ANGPT1: variants seen among roughly 807,000 people sequenced by gnomAD.
ANGPT1 encodes the protein angiopoietin 1.
A neutral mutation model predicts 62.2 loss-of-function variants in ANGPT1; 17 were observed. The ratio of observed to expected loss-of-function variants is 0.27; its 90% CI spans 0.19 to 0.41. The LOEUF is 0.41. Ranked by LOEUF, ANGPT1 falls within the 10% of genes least tolerant of loss-of-function variation. The pLI is 1.00. For synonymous variants in ANGPT1, 199 were observed against 198.9 expected (o/e 1.00, Z 0.00); for missense variants, 478 against 594.9 (o/e 0.80, Z 2.04).
At chr8:107,355,227 A>G (rs939788175) in intron 1 of ANGPT1, among the ~76,000 whole-genome samples, 3 of 151,932 alleles carry the variant, frequency 2.0e-5, no homozygotes, top group African/African-American at 7.2e-5. Flanking sequence ...AAGGCTGCCT[A>G]GGTCCATCCC....
At chr8:107,386,853 C>G (rs191340289) in intron 1 of ANGPT1, among the ~76,000 whole-genome samples, 1 of 152,032 alleles carries the variant, frequency 6.6e-6, no homozygotes, top group African/African-American at 2.4e-5. Flanking sequence ...TGACAGACTA[C>G]AGGGTATTCT....
At chr8:107,262,456 G>T (rs996264039) in intron 8 of ANGPT1, among the ~76,000 whole-genome samples, 1 of 152,144 alleles carries the variant, frequency 6.6e-6, no homozygotes, top group Non-Finnish European at 1.5e-5. Flanking sequence ...AATGGCAAAT[G>T]CTAGCTGTCA....
chr8:107,279,998 G>C (rs1427997340), intron 7 of ANGPT1, among the ~76,000 whole-genome samples: 1 of 151,826 alleles, frequency 6.6e-6, no homozygotes, highest in Non-Finnish European at 1.5e-5. Flanking sequence ...GAAGCATGCA[G>C]AACTCAGCAA....
intron 2 of ANGPT1, among the ~76,000 whole-genome samples, chr8:107,338,093 C>A (rs1446206734): frequency 6.6e-6 from 1 of 151,954 alleles, no homozygotes; most frequent in Non-Finnish European, 1.5e-5. Context: ...GAGACCCTAT[C>A]TCAAAAAATA....
chr8:107,359,028 A>G (rs1816106956), intron 1 of ANGPT1, among the ~76,000 whole-genome samples: 1 of 152,142 alleles, frequency 6.6e-6, no homozygotes, highest in Admixed American at 6.6e-5. Context: ...GTACACTTTC[A>G]TGATGTACAA....
intron 1 of ANGPT1, among the ~76,000 whole-genome samples, chr8:107,403,436 A>G (rs1167578371): frequency 6.6e-6 from 1 of 152,140 alleles, no homozygotes; most frequent in Non-Finnish European, 1.5e-5. Flanking sequence ...AAAGAGGGAG[A>G]GGCTAATTAC....
chr8:107,482,542 G>A (rs892528064), intron 1 of ANGPT1, among the ~76,000 whole-genome samples: 1 of 152,138 alleles, frequency 6.6e-6, no homozygotes, highest in African/African-American at 2.4e-5. Flanking sequence ...GTATTGTAGT[G>A]CACAAGATGG....
intron 1 of ANGPT1, among the ~76,000 whole-genome samples, chr8:107,464,537 G>A (rs1047686741): frequency 1.3e-5 from 2 of 151,954 alleles, no homozygotes; most frequent in African/African-American, 2.4e-5. Context: ...TATGATCAAA[G>A]CCTATCCCTG....
chr8:107,294,223 T>G (rs1449809191), intron 5 of ANGPT1, 186 bp from the exon 6 acceptor site: 1 of 438,568 alleles, frequency 2.3e-6, no homozygotes, highest in African/African-American at 2.0e-5. Context: ...ATTTGAGTTA[T>G]TTCTGATTAA....
chr8:107,428,514 G>A (rs1811093284), intron 1 of ANGPT1, among the ~76,000 whole-genome samples: 1 of 152,120 alleles, frequency 6.6e-6, no homozygotes, highest in African/African-American at 2.4e-5. Flanking sequence ...TTTCCTAAGG[G>A]TCTGTCTTCA....
chr8:107,428,224 C>G (rs1294282088), intron 1 of ANGPT1, among the ~76,000 whole-genome samples: 1 of 152,126 alleles, frequency 6.6e-6, no homozygotes, highest in Non-Finnish European at 1.5e-5. Flanking sequence ...TGACATTCAC[C>G]TTTTATGTTT....
At chr8:107,431,053 A>G in intron 1 of ANGPT1, among the ~76,000 whole-genome samples, 1 of 152,136 alleles carries the variant, frequency 6.6e-6, no homozygotes, top group East Asian at 1.9e-4. Flanking sequence ...GTGTCATTTA[A>G]CCTCTCAAAA....
At chr8:107,274,467 A>T (rs1261054110) in intron 7 of ANGPT1, among the ~76,000 whole-genome samples, 2 of 152,132 alleles carry the variant, frequency 1.3e-5, no homozygotes, top group African/African-American at 4.8e-5. Context: ...AATTTTATTA[A>T]TTTTTTTATT....
chr8:107,489,117 G>A (rs1254414196), intron 1 of ANGPT1, among the ~76,000 whole-genome samples: 1 of 152,056 alleles, frequency 6.6e-6, no homozygotes, highest in Non-Finnish European at 1.5e-5. Flanking sequence ...TTTACAATAT[G>A]CCATCCTTCA....
chr8:107,297,617 T>C (rs1814447699), intron 5 of ANGPT1, among the ~76,000 whole-genome samples: 1 of 149,334 alleles, frequency 6.7e-6, no homozygotes, highest in African/African-American at 2.4e-5. Context: ...TTATAAATAA[T>C]AGAAAATATA....
intron 1 of ANGPT1, among the ~76,000 whole-genome samples, chr8:107,458,048 T>C (rs1811971489): frequency 6.6e-6 from 1 of 152,092 alleles, no homozygotes; most frequent in South Asian, 2.1e-4. Context: ...TTCTGTTCAG[T>C]TTCAAGTTTC....
intron 1 of ANGPT1, among the ~76,000 whole-genome samples, chr8:107,349,238 A>G (rs1389166400): frequency 6.6e-6 from 1 of 152,150 alleles, no homozygotes. Flanking sequence ...GAGCACCTGG[A>G]CCTAGCTATA....
intron 1 of ANGPT1, among the ~76,000 whole-genome samples, chr8:107,447,637 G>C (rs1442997096): frequency 6.6e-6 from 1 of 152,150 alleles, no homozygotes; most frequent in African/African-American, 2.4e-5. Context: ...ACTTAAAACT[G>C]CACAGGCAGG....
intron 8 of ANGPT1, among the ~76,000 whole-genome samples, chr8:107,263,526 G>C (rs1173150281): frequency 2.0e-5 from 3 of 151,806 alleles, no homozygotes; most frequent in Non-Finnish European, 4.4e-5. Flanking sequence ...TGTTTGTTTT[G>C]CCAAGAAGCA....
Sources: gnomAD v4.1 joint callset for allele counts (sites outside exome capture counted in the v4.1 genomes callset) on GRCh38, gnomAD v4.1.1 for gene constraint, MANE v1.5 for transcripts, NCBI Gene and HGNC (gene_info 2026-07-23, HGNC 2026-07-21) for gene names.